The following SLC16A10 variants were observed in gnomAD, a reference collection of about 807,000 sequenced individuals.
SLC16A10 encodes the protein solute carrier family 16 member 10.
SLC16A10 carries 27 observed loss-of-function variants against 40.0 expected under a neutral mutation model. The ratio of observed to expected loss-of-function variants is 0.67; its 90% CI spans 0.50 to 0.93. The LOEUF is 0.93. SLC16A10 is among the 40% of genes least tolerant of loss of function. The probability of loss-of-function intolerance (pLI) is 0.00; values close to 1 mark genes in which losing one functional copy is unlikely to be tolerated. For missense variants in SLC16A10, 529 were observed against 658.2 expected, an observed-to-expected ratio of 0.80 and a Z score of 2.15; for synonymous variants, 213 against 249.8, an observed-to-expected ratio of 0.85 and a Z score of 1.39.
chr6:111,217,704 C>A (rs769348163), intron 4 of SLC16A10, among the ~76,000 whole-genome samples: 2 of 152,166 alleles, frequency 1.3e-5, no homozygotes, highest in Non-Finnish European at 2.9e-5. Context: ...CCCACCTCGG[C>A]CTCCCAAAGT....
At chr6:111,109,183 TGTGTCCATCACCCCAGG>T (rs1387213733) in intron 1 of SLC16A10, among the ~76,000 whole-genome samples, 2 of 152,202 alleles carry the variant, frequency 1.3e-5, no homozygotes, top group Admixed American at 1.3e-4. Flanking sequence ...CATAATATAG[TGTGTCCATCACCCCAGG>T]GTGTACCCTC....
At chr6:111,171,402 C>A (rs1772583287) in intron 1 of SLC16A10, among the ~76,000 whole-genome samples, 2 of 152,006 alleles carry the variant, frequency 1.3e-5, no homozygotes, top group Admixed American at 1.3e-4. Context: ...CCTGCAATCC[C>A]AGCATTTTAG....
chr6:111,101,071 C>T (rs1203139654), intron 1 of SLC16A10, among the ~76,000 whole-genome samples: 1 of 148,924 alleles, frequency 6.7e-6, no homozygotes. Context: ...CATTCTGTCA[C>T]CCAGGCTGGA....
intron 1 of SLC16A10, among the ~76,000 whole-genome samples, chr6:111,136,225 G>A (rs978903071): frequency 7.2e-5 from 11 of 152,284 alleles, no homozygotes; most frequent in Non-Finnish European, 1.5e-4. Flanking sequence ...GCTTGCCAGC[G>A]GGGCAAGACT....
intron 3 of SLC16A10, among the ~76,000 whole-genome samples, chr6:111,196,262 C>G (rs915745747): frequency 7.2e-5 from 11 of 152,086 alleles, no homozygotes; most frequent in African/African-American, 2.7e-4. Flanking sequence ...TTCTTGAACC[C>G]GTGAAGCAGA....
At chr6:111,207,356 T>C (rs926603899) in intron 4 of SLC16A10, among the ~76,000 whole-genome samples, 1 of 152,222 alleles carries the variant, frequency 6.6e-6, no homozygotes, top group Non-Finnish European at 1.5e-5. Flanking sequence ...TTATGAAATT[T>C]GGTTGTGTGT....
chr6:111,116,578 T>C (rs1047181360), intron 1 of SLC16A10, among the ~76,000 whole-genome samples: 5 of 152,208 alleles, frequency 3.3e-5, no homozygotes, highest in African/African-American at 1.2e-4. Context: ...GGTTAAATGC[T>C]GATGACCTAC....
At chr6:111,141,646 G>A (rs1322535839) in intron 1 of SLC16A10, among the ~76,000 whole-genome samples, 1 of 152,140 alleles carries the variant, frequency 6.6e-6, no homozygotes, top group African/African-American at 2.4e-5. Context: ...TGGGCAACAA[G>A]GGCAAAACTC....
chr6:111,205,442 C>G (rs1773239136), intron 3 of SLC16A10, among the ~76,000 whole-genome samples: 1 of 152,104 alleles, frequency 6.6e-6, no homozygotes, highest in Non-Finnish European at 1.5e-5. Context: ...GCCCACAGGT[C>G]ACTGTAGTCT....
chr6:111,226,433 A>G lies in SLC16A10; in HGVS notation c.*4198A>G, dbSNP rs1770996941. On this transcript the variant is annotated 3_prime_UTR_variant, in exon 6 of 6. Coordinates refer to ENST00000368851, the MANE Select transcript of SLC16A10 (RefSeq NM_018593.5). ...AGTTTAGAGATACAAGTAGAAATGC[A>G]TAAGCTAATTAGCTCCAATTTTATA... 6.6e-6 allele frequency: 1 copy of G among 152,218 alleles called. No homozygotes were observed. The highest frequency in any genetic ancestry group is 6.5e-5 in the Admixed American group (1 of 15,274). The allele number at this position is 152,218 out of a possible 1,614,324, so 9.4% of individuals were successfully genotyped here.
At chr6:111,214,352 A>G (rs1773388416) in intron 4 of SLC16A10, among the ~76,000 whole-genome samples, 1 of 152,226 alleles carries the variant, frequency 6.6e-6, no homozygotes, top group Admixed American at 6.5e-5. Flanking sequence ...TGTATGTAAT[A>G]CTAAGTTTAT....
intron 1 of SLC16A10, among the ~76,000 whole-genome samples, chr6:111,088,845 T>C (rs942345889): frequency 6.6e-6 from 1 of 152,246 alleles, no homozygotes; most frequent in African/African-American, 2.4e-5. Flanking sequence ...AGCATTATTA[T>C]GACTTTTTGG....
intron 1 of SLC16A10, among the ~76,000 whole-genome samples, chr6:111,152,462 A>G (rs1219130304): frequency 1.3e-5 from 2 of 152,374 alleles, no homozygotes; most frequent in East Asian, 1.9e-4. Flanking sequence ...TCTTTCAAAT[A>G]TTAATCCTTA....
chr6:111,217,169 A>G (rs1476083818), intron 4 of SLC16A10, among the ~76,000 whole-genome samples: 2 of 152,230 alleles, frequency 1.3e-5, no homozygotes, highest in African/African-American at 2.4e-5. Context: ...CCCGTGGGCC[A>G]TGGTTCCAGG....
At position 111,222,014 on chromosome 6, in the gene SLC16A10, G is replaced by A; in HGVS notation, c.1327G>A (p.Asp443Asn). Residue 443 changes from aspartate to asparagine, a missense_variant, in exon 6 of 6, where the codon GAC (aspartate) becomes AAC (asparagine). By Grantham distance (23) the Asp-to-Asn change is conservative. Transcript: ENST00000368851. ...VGPPIAGLLR[D>N]KLGSYDVAFY... ...TTTTCCCTTCTCAGGGTTACTTCGTGACAAACTGGGCTCCTATGATGTGGC... is the reference window on the plus strand; with the variant it reads ...TTTTCCCTTCTCAGGGTTACTTCGTAACAAACTGGGCTCCTATGATGTGGC... 6.2e-7 allele frequency: 1 copy of A among 1,604,088 alleles called. No homozygotes were observed. The highest frequency in any genetic ancestry group is 1.1e-5 in the South Asian group (1 of 88,658).
At chr6:111,107,883 T>C (rs1255898205) in intron 1 of SLC16A10, among the ~76,000 whole-genome samples, 1 of 152,170 alleles carries the variant, frequency 6.6e-6, no homozygotes, top group Non-Finnish European at 1.5e-5. Context: ...AGCCAAAGTT[T>C]TAGCAAAACA....
chr6:111,147,391 A>G (rs1162258954), intron 1 of SLC16A10, among the ~76,000 whole-genome samples: 1 of 152,226 alleles, frequency 6.6e-6, no homozygotes, highest in East Asian at 1.9e-4. Flanking sequence ...TTAATTTGCA[A>G]TACACAAACA....
chr6:111,144,461 C>A (rs1772040833), intron 1 of SLC16A10, among the ~76,000 whole-genome samples: 1 of 152,176 alleles, frequency 6.6e-6, no homozygotes. Flanking sequence ...CCTCAGCCTC[C>A]CAAAGTGCTG....
intron 5 of SLC16A10, among the ~76,000 whole-genome samples, chr6:111,220,009 C>G (rs941128046): frequency 6.6e-6 from 1 of 152,284 alleles, no homozygotes. Flanking sequence ...GGATCTATTG[C>G]GCCTGGGAGA....
Sources: allele counts gnomAD v4.1 joint callset (sites outside exome capture counted in the v4.1 genomes callset), GRCh38; gene constraint gnomAD v4.1.1; transcripts MANE v1.5; gene names NCBI Gene and HGNC (gene_info 2026-07-23, HGNC 2026-07-21).